Variants in RIPK1 observed in about 807,000 individuals in gnomAD.
The protein encoded by RIPK1 is receptor-interacting serine/threonine-protein kinase 1.
Under a neutral mutation model 62.4 loss-of-function variants are expected in RIPK1, and 27 were observed. That is an observed-to-expected ratio of 0.43 (90% CI 0.32 to 0.60). RIPK1 has a LOEUF of 0.60. Ranked by LOEUF, RIPK1 falls within the 20% of genes least tolerant of loss-of-function variation. RIPK1 has a pLI of 0.07. For missense variants in RIPK1, 735 were observed against 831.0 expected (o/e 0.88, Z 1.42); for synonymous variants, 287 against 303.2 (o/e 0.95, Z 0.55).
chr6:3,075,611 T>G (rs1247563579), intron 1 of RIPK1, among the ~76,000 whole-genome samples: 1 of 152,218 alleles, frequency 6.6e-6, no homozygotes, highest in Non-Finnish European at 1.5e-5. Context: ...TCACAGTGAA[T>G]TTTTTCTTTT....
At chr6:3,081,917 T>C (rs1305350789) in intron 4 of RIPK1, among the ~76,000 whole-genome samples, 1 of 130,164 alleles carries the variant, frequency 7.7e-6, no homozygotes, top group Non-Finnish European at 1.6e-5. Flanking sequence ...CAGCAGTGCA[T>C]CAAAAACCTC....
chr6:3,079,570 C>T (rs1759270174), intron 3 of RIPK1, among the ~76,000 whole-genome samples: 1 of 152,186 alleles, frequency 6.6e-6, no homozygotes, highest in Non-Finnish European at 1.5e-5. Flanking sequence ...CTGTAAATTC[C>T]TGGGTTTGGC....
intron 7 of RIPK1, among the ~76,000 whole-genome samples, chr6:3,095,663 T>C (rs549213172): frequency 5.9e-5 from 9 of 152,332 alleles, no homozygotes; most frequent in Non-Finnish European, 1.0e-4. Flanking sequence ...ATTTATTACA[T>C]TGTCTTCTTA....
Position 3,106,068 on chromosome 6 carries a change from T to C in RIPK1, c.1576+17T>C, listed in dbSNP as rs2113696824. ...CACCAACAGGTAAATGGGTCTTCGA[T>C]AGTCACAAGCTTGTCTTTTTTTATT... On this transcript the variant is annotated intron_variant, in intron 9 of 10. Coordinates refer to ENST00000259808, the MANE Select transcript of RIPK1 (RefSeq NM_001354930.2). The C allele has an allele frequency of 1.3e-6, 2 of 1,534,098 alleles. No individual in the cohort carries two copies. The highest frequency in any genetic ancestry group is 1.8e-6 in the Non-Finnish European group (2 of 1,120,146).
chr6:3,096,065 G>A (rs1760275699), intron 7 of RIPK1, among the ~76,000 whole-genome samples: 1 of 152,114 alleles, frequency 6.6e-6, no homozygotes, highest in South Asian at 2.1e-4. Flanking sequence ...TCAAACTCAT[G>A]AGCTCAAGCC....
rs144959223 is a variant in RIPK1, at chr6:3,071,999, T to C, written c.-61+3338T>C. ...TGTCTGTGACCTTTTTTAAATATTA[T>C]TAAACATTCTTTCACAACATCGCTT... On this transcript the variant is annotated intron_variant, in intron 1 of 10. Coordinates refer to ENST00000259808, the MANE Select transcript of RIPK1 (RefSeq NM_001354930.2). Among the ~76,000 whole-genome samples the C allele has an allele frequency of 1.2e-3, 186 of 152,376 alleles. 1 individual carries two copies. The highest frequency in any genetic ancestry group is 4.2e-3 in the African/African-American group (174 of 41,588).
In RIPK1 at chr6:3,072,351, T is replaced by C. The variant is rs1192842130; in HGVS notation, c.-61+3690T>C. Among the ~76,000 whole-genome samples the C allele has an allele frequency of 1.3e-5, 2 of 151,654 alleles. No individual in the cohort carries two copies. Among genetic ancestry groups the C allele is most frequent in the African/African-American group, 2.4e-5 (1 of 41,180 alleles). ...ATCCTTGTTAACATTTTGGTGTCTT[T>C]ATGTCTTTTTTATCTGTACTTATAT... On this transcript the variant is annotated intron_variant, in intron 1 of 10. Coordinates refer to ENST00000259808, the MANE Select transcript of RIPK1 (RefSeq NM_001354930.2). The surrounding 1 kb of genome is among the most constrained non-coding windows in gnomAD (Gnocchi z 5.6).
At chr6:3,107,562 C>CAAA (rs60843872) in intron 9 of RIPK1, among the ~76,000 whole-genome samples, 8 of 46,300 alleles carry the variant, frequency 1.7e-4, no homozygotes, top group South Asian at 7.7e-4. Flanking sequence ...GAGACTGTCG[C>CAAA]AAAAAAAAAA....
intron 9 of RIPK1, among the ~76,000 whole-genome samples, chr6:3,110,181 T>G (rs988974648): frequency 1.5e-4 from 22 of 151,474 alleles, no homozygotes; most frequent in Non-Finnish European, 3.1e-4. Flanking sequence ...TAATTCTATC[T>G]TTAATTTTTT....
chr6:3,067,292 G>T (rs1212277896), upstream of RIPK1, among the ~76,000 whole-genome samples: 1 of 151,964 alleles, frequency 6.6e-6, no homozygotes, highest in African/African-American at 2.4e-5. Context: ...TCATCTTATG[G>T]TAAGAAGAGC....
upstream of RIPK1, among the ~76,000 whole-genome samples, chr6:3,066,494 C>T (rs951473611): frequency 6.6e-6 from 1 of 152,144 alleles, no homozygotes; most frequent in East Asian, 1.9e-4. Flanking sequence ...GAAAGCTTTG[C>T]TGAGTGAATA....
intron 9 of RIPK1, among the ~76,000 whole-genome samples, chr6:3,107,562 C>CAAAAA (rs60843872): frequency 2.2e-5 from 1 of 46,322 alleles, no homozygotes; most frequent in Non-Finnish European, 5.0e-5. Flanking sequence ...GAGACTGTCG[C>CAAAAA]AAAAAAAAAA....
chr6:3,087,287 T>C (rs558703438), intron 6 of RIPK1, among the ~76,000 whole-genome samples: 35 of 152,292 alleles, frequency 2.3e-4, no homozygotes, highest in Admixed American at 4.6e-4. Flanking sequence ...TGGGGAGCTT[T>C]CAGCCATTAT....
chr6:3,085,067 T>C (rs182932980), intron 5 of RIPK1, among the ~76,000 whole-genome samples, 192 bp from the exon 6 acceptor site: 1 of 152,366 alleles, frequency 6.6e-6, no homozygotes, highest in East Asian at 1.9e-4. Context: ...TTTTGTTTTA[T>C]CTGCAGACAT....
chr6:3,073,286 ATATT>A (rs1009472547), intron 1 of RIPK1, among the ~76,000 whole-genome samples: 2 of 151,458 alleles, frequency 1.3e-5, no homozygotes, highest in Non-Finnish European at 2.9e-5. Context: ...AAATATATGT[ATATT>A]TATACGTATA....
Position 3,113,170 on chromosome 6 carries a change from A to T in RIPK1, c.1847A>T (p.Asp616Val), listed in dbSNP as rs757738741. The T allele has an allele frequency of 6.2e-7, 1 of 1,614,042 alleles. No homozygotes were observed. The highest frequency in any genetic ancestry group is 8.5e-7 in the Non-Finnish European group (1 of 1,179,962). Residue 616 changes from aspartate (D) to valine (V), a missense_variant, in exon 11 of 11, where the codon GAC (aspartate) becomes GTC (valine). By Grantham distance (152) the Asp-to-Val change is radical. This residue lies in a region of RIPK1 where 64 missense variants were observed against 104.8 expected (regional missense o/e 0.61). Transcript: ENST00000259808. This position sits in a 1 kb window ranked among gnomAD's most constrained non-coding sequence, Gnocchi z 5.0. ...GFTQSQIDEI[D>V]HDYERDGLKE... ...ACACAGTCTCAGATTGATGAAATTG[A>T]CCATGACTATGAGCGAGATGGACTG...
chr6:3,089,604 TTTTA>T lies in RIPK1; in HGVS notation c.867_870del (p.Tyr289Ter), dbSNP rs1759915032. 6 of 1,572,600 alleles carry T rather than the reference TTTTA, an allele frequency of 3.8e-6. No homozygotes were observed. Among genetic ancestry groups the T allele is most frequent in the Non-Finnish European group, 5.2e-6 (6 of 1,145,948 alleles). On this transcript the variant is annotated frameshift_variant, in exon 7 of 11. Transcript: ENST00000259808. LOFTEE classifies it high-confidence loss of function. ...AGGCATTGAAGAAAAATTTAGGCCT[TTTTA>T]TTTAAGTCAATTAGAAGAAAGTGTA...
intron 9 of RIPK1, among the ~76,000 whole-genome samples, chr6:3,106,963 A>T (rs563162748): frequency 1.3e-5 from 2 of 152,158 alleles, no homozygotes; most frequent in Non-Finnish European, 2.9e-5. Context: ...AGCTGGGGCC[A>T]TGGTTGGCCA....
chr6:3,080,929 G>C (rs748546519), intron 3 of RIPK1, 50 bp from the exon 4 acceptor site: 1 of 1,580,870 alleles, frequency 6.3e-7, no homozygotes, highest in South Asian at 1.1e-5. Context: ...AGTTGCTTTG[G>C]CCTATTTGAT....
Sources: gnomAD v4.1 joint callset for allele counts (sites outside exome capture counted in the v4.1 genomes callset) on GRCh38, gnomAD v4.1.1 for gene constraint, gnomAD v4.1.1 regional missense constraint, Gnocchi (gnomAD v3.1) non-coding constraint, MANE v1.5 for transcripts, NCBI Gene and HGNC (gene_info 2026-07-23, HGNC 2026-07-21) for gene names.